The following DIS3L2 variants were observed in gnomAD, a reference collection of about 807,000 sequenced individuals.
The protein encoded by DIS3L2 is DIS3 like 3'-5' exoribonuclease 2, also known as DIS3-like exonuclease 2.
Under a neutral mutation model 97.5 loss-of-function variants are expected in DIS3L2, and 34 were observed. That is an observed-to-expected ratio of 0.35 (90% confidence interval 0.27 to 0.46). DIS3L2 has a LOEUF of 0.46. Among genes scored for constraint, DIS3L2 ranks in the 20% least tolerant of loss-of-function variants. DIS3L2 has a pLI of 1.00. For synonymous variants in DIS3L2, 435 were observed against 445.2 expected (o/e 0.98, Z 0.29); for missense variants, 1,038 against 1,146.0 (o/e 0.91, Z 1.36).
intron 5 of DIS3L2, among the ~76,000 whole-genome samples, chr2:232,038,850 C>T (rs924382566): frequency 3.9e-5 from 6 of 152,178 alleles, no homozygotes; most frequent in Non-Finnish European, 1.5e-5. Flanking sequence ...ATCAGTACCT[C>T]TTTTAAAACT....
At chr2:232,339,961 G>A (rs1477814901), downstream of DIS3L2, among the ~76,000 whole-genome samples, 4 of 152,188 alleles carry the variant, frequency 2.6e-5, no homozygotes, top group Non-Finnish European at 5.9e-5. Context: ...GGCTAGGTAT[G>A]GAGAGAGCAG....
chr2:232,048,319 C>G (rs1041283750), intron 5 of DIS3L2, among the ~76,000 whole-genome samples: 1 of 152,154 alleles, frequency 6.6e-6, no homozygotes, highest in African/African-American at 2.4e-5. Flanking sequence ...TTGGACATTT[C>G]AAAATGGAGC....
Position 232,210,424 on chromosome 2 carries a change from T to C in DIS3L2, c.1204+19T>C, listed in dbSNP as rs1426129251. On this transcript the variant is annotated intron_variant, in intron 10 of 20. Transcript: ENST00000325385. ...GCTGACGGTAGGATGGAAATTTCTATAGCATCTTGGGTAGCAGGCAGTCTG... is the reference window on the plus strand; with the variant it reads ...GCTGACGGTAGGATGGAAATTTCTACAGCATCTTGGGTAGCAGGCAGTCTG... 1.2e-6 allele frequency: 2 copies of C among 1,603,402 alleles called. No individual in the cohort carries two copies. The highest frequency in any genetic ancestry group is 1.7e-5 in the Admixed American group (1 of 59,874).
At chr2:232,229,630 A>G (rs1692739111) in intron 10 of DIS3L2, among the ~76,000 whole-genome samples, 1 of 152,228 alleles carries the variant, frequency 6.6e-6, no homozygotes, top group Non-Finnish European at 1.5e-5. Flanking sequence ...GAAAAAGTGG[A>G]ATTTACTACC....
At chr2:232,329,787 C>CCCGGGGGGGA in intron 14 of DIS3L2, 26 bp from the exon 15 acceptor site, 1 of 1,062,210 alleles carries the variant, frequency 9.4e-7, no homozygotes, top group South Asian at 2.1e-5. Context: ...CCCAGCGGTC[C>CCCGGGGGGGA]CTCCCATCCC....
intron 13 of DIS3L2, among the ~76,000 whole-genome samples, chr2:232,287,773 G>A (rs1694485977): frequency 6.6e-6 from 1 of 152,002 alleles, no homozygotes. Context: ...GTAAACTTTT[G>A]TCTGTACTGT....
intron 9 of DIS3L2, among the ~76,000 whole-genome samples, chr2:232,176,795 T>TTAA (rs1487067660): frequency 1.6e-4 from 24 of 148,570 alleles, no homozygotes; most frequent in Admixed American, 1.4e-3. Context: ...ATTAATTAAT[T>TTAA]TATTATTATT....
chr2:232,126,620 CT>C (rs1357640678), intron 6 of DIS3L2, among the ~76,000 whole-genome samples: 1 of 152,226 alleles, frequency 6.6e-6, no homozygotes, highest in African/African-American at 2.4e-5. Context: ...TCCCCAGAAT[CT>C]TGTTGCCTAA....
intron 8 of DIS3L2, among the ~76,000 whole-genome samples, chr2:232,157,459 A>C (rs1277859744): frequency 6.6e-6 from 1 of 152,210 alleles, no homozygotes; most frequent in Non-Finnish European, 1.5e-5. Flanking sequence ...CCAGTCAGTG[A>C]AATGTATGGG....
intron 5 of DIS3L2, among the ~76,000 whole-genome samples, chr2:232,031,450 A>C (rs1351019567): frequency 6.6e-6 from 1 of 151,840 alleles, no homozygotes; most frequent in Non-Finnish European, 1.5e-5. Flanking sequence ...TCACACTTAT[A>C]CAAATTTAAG....
At chr2:232,072,783 G>GGTGTGTGTGT (rs56884799) in intron 5 of DIS3L2, among the ~76,000 whole-genome samples, 1,819 of 139,860 alleles carry the variant, frequency 0.013, 36 homozygotes, top group African/African-American at 0.039. Context: ...TGGGATGTGG[G>GGTGTGTGTGT]GTGTGTGTGT....
chr2:231,994,819 T>TTC (rs1559524513), intron 1 of DIS3L2, among the ~76,000 whole-genome samples: 10 of 149,970 alleles, frequency 6.7e-5, no homozygotes, highest in Non-Finnish European at 1.3e-4. Flanking sequence ...CTTTTTCTTT[T>TTC]TTTTTTTTTT....
intron 1 of DIS3L2, among the ~76,000 whole-genome samples, chr2:231,962,210 A>G (rs949851787): frequency 3.3e-5 from 5 of 151,968 alleles, no homozygotes; most frequent in African/African-American, 1.2e-4. Context: ...CTTAATTATA[A>G]CATGTCCTTG....
chr2:232,235,023 C>G (rs550627342), intron 10 of DIS3L2, among the ~76,000 whole-genome samples: 63 of 152,330 alleles, frequency 4.1e-4, no homozygotes, highest in African/African-American at 1.3e-3. Flanking sequence ...TTCTGAATCC[C>G]GCTTTATAAT....
At chr2:232,235,723 A>T (rs1422159875) in intron 10 of DIS3L2, among the ~76,000 whole-genome samples, 2 of 152,224 alleles carry the variant, frequency 1.3e-5, no homozygotes, top group Admixed American at 1.3e-4. Context: ...AGGCCAATAT[A>T]TTATAATGCT....
At chr2:232,022,252 A>G (rs536795722) in intron 3 of DIS3L2, among the ~76,000 whole-genome samples, 1 of 152,164 alleles carries the variant, frequency 6.6e-6, no homozygotes, top group Non-Finnish European at 1.5e-5. Context: ...TCCGAGGTCC[A>G]GTTCTTCAGA....
chr2:232,165,531 A>G (rs1036716971), intron 9 of DIS3L2, among the ~76,000 whole-genome samples: 7 of 152,070 alleles, frequency 4.6e-5, no homozygotes, highest in African/African-American at 1.7e-4. Context: ...TCAAATTATT[A>G]TTATTATTTT....
At chr2:232,102,619 A>G (rs1697237686) in intron 6 of DIS3L2, among the ~76,000 whole-genome samples, 1 of 152,228 alleles carries the variant, frequency 6.6e-6, no homozygotes, top group Non-Finnish European at 1.5e-5. Flanking sequence ...TCAAGAGAGA[A>G]TGGGTGCAAA....
At chr2:232,225,553 A>T (rs1692621841) in intron 10 of DIS3L2, among the ~76,000 whole-genome samples, 1 of 152,168 alleles carries the variant, frequency 6.6e-6, no homozygotes, top group African/African-American at 2.4e-5. Flanking sequence ...TCAGAAAAGT[A>T]ATTATCTTTG....
Sources: allele counts gnomAD v4.1 joint callset (sites outside exome capture counted in the v4.1 genomes callset), GRCh38; gene constraint gnomAD v4.1.1; transcripts MANE v1.5; gene names NCBI Gene and HGNC (gene_info 2026-07-23, HGNC 2026-07-21).